ST8SIA6: variants seen among roughly 807,000 people sequenced by gnomAD.
The protein encoded by ST8SIA6 is alpha-2,8-sialyltransferase 8F.
ST8SIA6 carries 39 observed loss-of-function variants against 33.6 expected under a neutral mutation model. The observed-to-expected ratio is 1.16, with a 90% CI of 0.90 to 1.52. The LOEUF is 1.52. Ranked by LOEUF, ST8SIA6 falls within the 40% of genes most tolerant of loss-of-function variation. ST8SIA6 has a pLI of 0.00. For synonymous variants in ST8SIA6, 172 were observed against 167.2 expected (o/e 1.03, Z -0.22); for missense variants, 441 against 443.8 (o/e 0.99, Z 0.06).
At chr10:17,332,127 TC>T (rs1848321624) in intron 4 of ST8SIA6, among the ~76,000 whole-genome samples, 1 of 152,186 alleles carries the variant, frequency 6.6e-6, no homozygotes. Context: ...ATGATCTCAT[TC>T]CTTTTTATGG....
intron 5 of ST8SIA6, among the ~76,000 whole-genome samples, chr10:17,328,288 C>T (rs969497173): frequency 2.0e-5 from 3 of 152,196 alleles, no homozygotes; most frequent in Admixed American, 2.0e-4. Context: ...AATGACCAGC[C>T]AGCGTGCTTC....
chr10:17,427,480 G>T (rs928430946), intron 2 of ST8SIA6, among the ~76,000 whole-genome samples: 6 of 152,226 alleles, frequency 3.9e-5, no homozygotes, highest in Non-Finnish European at 8.8e-5. Context: ...GAGTCAGAAT[G>T]ATTCCAGAAG....
chr10:17,361,340 T>G (rs1231314347), intron 3 of ST8SIA6, among the ~76,000 whole-genome samples: 1 of 151,946 alleles, frequency 6.6e-6, no homozygotes, highest in Non-Finnish European at 1.5e-5. Flanking sequence ...GCATTAAGAA[T>G]CCTTAAAACA....
chr10:17,358,808 A>G lies in ST8SIA6; in HGVS notation c.377+706T>C, dbSNP rs139547786. Among the ~76,000 whole-genome samples, 10 of 152,214 alleles carry G rather than the reference A, an allele frequency of 6.6e-5. No individual in the cohort carries two copies. The East Asian group carries it at 1.9e-3, about 29-fold the overall frequency. On this transcript the variant is annotated intron_variant, in intron 4 of 7. Transcript: ENST00000377602. ...GAGGAAGAAGGAGGAGGAAAAAGAA[A>G]AGAAGCCCCGCCCCCCAAAAAAACC...
Position 17,327,097 on chromosome 10 carries a change from A to T in ST8SIA6, c.552T>A (p.Asn184Lys). ...CCCCATTTCCGACCACTGCACACTG[A>T]TTATAAGGGTAGTCCACAAAAGGCT... is the stretch of plus-strand genomic sequence containing the variant. ...VSQPFVDYPY[N>K]QCAVVGNGGI... Residue 184 changes from asparagine to lysine, a missense_variant, in exon 6 of 8, where the codon AAT becomes AAA. Coordinates refer to ENST00000377602, the MANE Select transcript of ST8SIA6 (RefSeq NM_001004470.3). 1.2e-5 allele frequency: 19 copies of T among 1,607,290 alleles called. No homozygotes were observed. The highest frequency in any genetic ancestry group is 1.6e-5 in the Non-Finnish European group (19 of 1,177,442).
intron 6 of ST8SIA6, 27 bp downstream of exon 6, chr10:17,326,987 C>T (rs771526267): frequency 5.2e-6 from 8 of 1,527,176 alleles, no homozygotes; most frequent in Non-Finnish European, 7.1e-6. Flanking sequence ...TCTATTGTTT[C>T]AAAGAAACCA....
chr10:17,367,309 A>T (rs1849586306), intron 3 of ST8SIA6, among the ~76,000 whole-genome samples: 1 of 152,200 alleles, frequency 6.6e-6, no homozygotes, highest in Non-Finnish European at 1.5e-5. Context: ...GGTGGCAGGC[A>T]AGAGAATATG....
intron 2 of ST8SIA6, among the ~76,000 whole-genome samples, chr10:17,398,679 AT>A (rs955672082): frequency 6.6e-6 from 1 of 152,256 alleles, no homozygotes; most frequent in Non-Finnish European, 1.5e-5. Context: ...TGAAGAAAGA[AT>A]GTTTTAACAG....
rs369074612 is a variant in ST8SIA6 at position 17,320,902 on chromosome 10, T to C, written c.1173A>G (p.Gln391=). 5.6e-6 allele frequency: 9 copies of C among 1,613,922 alleles called. No individual in the cohort carries two copies. Among genetic ancestry groups the C allele is most frequent in the East Asian group, 2.2e-5 (1 of 44,900 alleles). Residue 391 remains glutamine (Q), a synonymous_variant, in exon 8 of 8, where the codon CAA becomes CAG. Transcript: ENST00000377602. ...QLHMKGILKL[Q]FSKCEVA ...TTTAGGCGACTTCACATTTGCTAAA[T>C]TGCAGTTTGAGGATTCCTTTCATGT... is the stretch of plus-strand genomic sequence containing the variant.
chr10:17,387,927 T>A (rs1212930146), intron 3 of ST8SIA6, among the ~76,000 whole-genome samples: 1 of 152,242 alleles, frequency 6.6e-6, no homozygotes, highest in East Asian at 1.9e-4. Context: ...ACAGCTGTGC[T>A]GTGTGTGGTT....
intron 2 of ST8SIA6, among the ~76,000 whole-genome samples, chr10:17,412,714 T>G (rs1370892867): frequency 6.6e-6 from 1 of 152,240 alleles, no homozygotes; most frequent in Non-Finnish European, 1.5e-5. Context: ...TGTAAGTACT[T>G]AAAAGTATAT....
chr10:17,322,963 A>T, intron 7 of ST8SIA6, 102 bp downstream of exon 7: 1 of 1,019,292 alleles, frequency 9.8e-7, no homozygotes, highest in Non-Finnish European at 1.4e-6. Context: ...TTCCACCTGT[A>T]CTGCAAGTCA....
intron 2 of ST8SIA6, among the ~76,000 whole-genome samples, chr10:17,431,412 A>C (rs1852096944): frequency 6.6e-6 from 1 of 152,218 alleles, no homozygotes; most frequent in African/African-American, 2.4e-5. Flanking sequence ...ATGATATACC[A>C]ATTTGAAAGC....
intron 2 of ST8SIA6, among the ~76,000 whole-genome samples, chr10:17,434,081 A>AC (rs1852180433): frequency 6.6e-6 from 1 of 151,868 alleles, no homozygotes; most frequent in South Asian, 2.1e-4. Context: ...CCCCTGGGCT[A>AC]CCCCCTCTTC....
rs117801111 is a variant in ST8SIA6, at chr10:17,393,239, C to T, written c.201-2619G>A. On this transcript the variant is annotated intron_variant, in intron 2 of 7. Transcript: ENST00000377602. ...CAGCCTTTGGGCTTAGACTGAGCTA[C>T]GCCACTGGCTTTCCTGGGGCTCCAG... Among the ~76,000 whole-genome samples, 688 of 152,318 alleles carry T rather than the reference C, an allele frequency of 4.5e-3. 3 individuals are homozygous for T. The highest frequency in any genetic ancestry group is 8.2e-3 in the Non-Finnish European group (557 of 68,028).
rs763225647 is a variant in ST8SIA6, at chr10:17,327,005, A to T, written c.635+9T>A. On this transcript the variant is annotated intron_variant, in intron 6 of 7. Transcript: ENST00000377602. ...ATTGTTTCAAAGAAACCAATTTGTC[A>T]GGTCTTACCTAAAAACGAAGTCGGA... The T allele has an allele frequency of 1.3e-6, 2 of 1,577,068 alleles. No homozygotes were observed. The highest frequency in any genetic ancestry group is 1.2e-5 in the South Asian group (1 of 85,924).
intron 2 of ST8SIA6, among the ~76,000 whole-genome samples, chr10:17,440,024 G>C (rs192812495): frequency 1.1e-4 from 17 of 152,256 alleles, no homozygotes; most frequent in African/African-American, 4.1e-4. Flanking sequence ...TCAGATGCCA[G>C]CTCTGGCTTC....
intron 2 of ST8SIA6, among the ~76,000 whole-genome samples, chr10:17,452,677 A>G (rs1852957297): frequency 1.3e-5 from 2 of 152,210 alleles, no homozygotes; most frequent in Non-Finnish European, 2.9e-5. Context: ...GGCAAACAAA[A>G]TAAAACAGAA....
At chr10:17,346,953 A>G (rs909874504) in intron 4 of ST8SIA6, among the ~76,000 whole-genome samples, 8 of 152,222 alleles carry the variant, frequency 5.3e-5, no homozygotes, top group African/African-American at 1.9e-4. Context: ...TCTGTAGGGT[A>G]AGCCTGCAGG....
Sources: gnomAD v4.1 joint callset for allele counts (sites outside exome capture counted in the v4.1 genomes callset) on GRCh38, gnomAD v4.1.1 for gene constraint, MANE v1.5 for transcripts, NCBI Gene and HGNC (gene_info 2026-07-23, HGNC 2026-07-21) for gene names.